The following GALNT13 variants were observed in gnomAD, a reference collection of about 807,000 sequenced individuals.
GALNT13 encodes the protein UDP-GalNAc:polypeptide N-acetylgalactosaminyltransferase 13.
In GALNT13, 28 loss-of-function variants were observed where a neutral mutation model predicts 64.2. That is an observed-to-expected ratio of 0.44 (90% CI 0.32 to 0.60). The LOEUF is 0.60. Ranked by LOEUF, GALNT13 falls within the 20% of genes least tolerant of loss-of-function variation. The pLI is 0.05. For synonymous variants in GALNT13, 214 were observed against 224.6 expected, an observed-to-expected ratio of 0.95 and a Z score of 0.42; for missense variants, 577 against 669.8, an observed-to-expected ratio of 0.86 and a Z score of 1.53.
chr2:154,289,932 G>A (rs968341562), intron 8 of GALNT13, among the ~76,000 whole-genome samples: 3 of 152,222 alleles, frequency 2.0e-5, no homozygotes, highest in African/African-American at 7.2e-5. Flanking sequence ...AGTCTAGTGA[G>A]AGAGATGCTG....
the GALNT13 span, among the ~76,000 whole-genome samples, chr2:153,825,890 C>T: frequency 6.6e-6 from 1 of 152,092 alleles, no homozygotes; most frequent in South Asian, 2.1e-4. Flanking sequence ...GTGTCTTAGT[C>T]TACTTTCTGT....
the GALNT13 span, among the ~76,000 whole-genome samples, chr2:153,413,477 T>A: frequency 1.3e-5 from 2 of 152,194 alleles, no homozygotes; most frequent in African/African-American, 4.8e-5. Flanking sequence ...GGCATACAAC[T>A]ACATCCATAT....
At chr2:153,691,262 T>A in the GALNT13 span, among the ~76,000 whole-genome samples, 11 of 152,130 alleles carry the variant, frequency 7.2e-5, no homozygotes, top group Non-Finnish European at 1.3e-4. Flanking sequence ...GTATAAAAAC[T>A]GACAAAAATA....
At chr2:154,142,771 G>C (rs1461297738) in intron 4 of GALNT13, among the ~76,000 whole-genome samples, 5 of 151,448 alleles carry the variant, frequency 3.3e-5, no homozygotes, top group African/African-American at 7.3e-5. Context: ...TATTAAATTT[G>C]TGCATTGCAA....
the GALNT13 span, among the ~76,000 whole-genome samples, chr2:153,791,660 T>C: frequency 6.6e-6 from 1 of 152,164 alleles, no homozygotes; most frequent in South Asian, 2.1e-4. Flanking sequence ...GATAGCAAAA[T>C]ATGGAATCAA....
chr2:154,443,498 A>G (rs1424991330), intron 12 of GALNT13, among the ~76,000 whole-genome samples: 1 of 152,084 alleles, frequency 6.6e-6, no homozygotes, highest in Non-Finnish European at 1.5e-5. Flanking sequence ...ATGTAATAAC[A>G]TAATTGATTG....
chr2:153,146,151 A>G, the GALNT13 span, among the ~76,000 whole-genome samples: 1 of 149,854 alleles, frequency 6.7e-6, no homozygotes, highest in Non-Finnish European at 1.5e-5. Flanking sequence ...AGGCAAACAA[A>G]CACCAGTCTT....
the GALNT13 span, among the ~76,000 whole-genome samples, chr2:153,372,747 C>T: frequency 6.6e-6 from 1 of 152,062 alleles, no homozygotes; most frequent in African/African-American, 2.4e-5. Context: ...CTATTTCATC[C>T]TTCATCTCCT....
the GALNT13 span, among the ~76,000 whole-genome samples, chr2:153,082,642 CACACACACACACACACACACACAT>C: frequency 9.1e-6 from 1 of 110,310 alleles, no homozygotes; most frequent in African/African-American, 4.0e-5. Context: ...CACACACACA[CACACACACACACACACACACACAT>C]ATATATAATT....
At chr2:154,172,725 T>C (rs1685431406) in intron 4 of GALNT13, among the ~76,000 whole-genome samples, 1 of 151,834 alleles carries the variant, frequency 6.6e-6, no homozygotes, top group Admixed American at 6.6e-5. Flanking sequence ...GGCACTTACA[T>C]TGATTCCATA....
At chr2:153,591,047 C>T in the GALNT13 span, among the ~76,000 whole-genome samples, 1 of 152,020 alleles carries the variant, frequency 6.6e-6, no homozygotes, top group Non-Finnish European at 1.5e-5. Context: ...GCTGATGGTA[C>T]AATCTTATGT....
the GALNT13 span, among the ~76,000 whole-genome samples, chr2:153,298,785 A>C: frequency 2.6e-5 from 4 of 152,198 alleles, no homozygotes; most frequent in Non-Finnish European, 4.4e-5. Flanking sequence ...CCTTTCAAGC[A>C]GTTTAGCACT....
chr2:153,926,627 A>G (rs1371365453), intron 2 of GALNT13, among the ~76,000 whole-genome samples: 1 of 152,122 alleles, frequency 6.6e-6, no homozygotes, highest in Non-Finnish European at 1.5e-5. Context: ...CTTCGTTTTA[A>G]TGGGGAATTC....
the GALNT13 span, among the ~76,000 whole-genome samples, chr2:153,802,939 G>GCCT: frequency 1.3e-5 from 2 of 152,182 alleles, no homozygotes; most frequent in African/African-American, 4.8e-5. Context: ...ATAGCACTTG[G>GCCT]CCTCACATAT....
intron 3 of GALNT13, among the ~76,000 whole-genome samples, chr2:153,960,038 A>G (rs1186655383): frequency 2.0e-5 from 3 of 152,218 alleles, no homozygotes; most frequent in South Asian, 2.1e-4. Context: ...ATGAGGCAGC[A>G]CACTATGGCT....
chr2:154,181,908 T>C (rs543450099), intron 4 of GALNT13, among the ~76,000 whole-genome samples: 8 of 151,744 alleles, frequency 5.3e-5, no homozygotes, highest in Non-Finnish European at 7.4e-5. Context: ...TTCTCTCTCT[T>C]TTTTTTTATG....
chr2:153,787,143 G>A, the GALNT13 span, among the ~76,000 whole-genome samples: 3 of 152,092 alleles, frequency 2.0e-5, no homozygotes, highest in African/African-American at 4.8e-5. Context: ...GGGAAGCCCA[G>A]GAGTACTAAG....
intron 3 of GALNT13, among the ~76,000 whole-genome samples, chr2:153,963,876 A>G (rs1258060803): frequency 6.6e-6 from 1 of 151,774 alleles, no homozygotes; most frequent in Non-Finnish European, 1.5e-5. Context: ...TTTCTAAATG[A>G]GGTCTATGAA....
the GALNT13 span, among the ~76,000 whole-genome samples, chr2:153,122,971 G>A: frequency 6.6e-6 from 1 of 151,960 alleles, no homozygotes; most frequent in Non-Finnish European, 1.5e-5. Context: ...TAAGATGAGG[G>A]AACTGGAGGT....
Sources: gnomAD v4.1 joint callset for allele counts (sites outside exome capture counted in the v4.1 genomes callset) on GRCh38, gnomAD v4.1.1 for gene constraint, MANE v1.5 for transcripts, NCBI Gene and HGNC (gene_info 2026-07-23, HGNC 2026-07-21) for gene names.